The following CDKL4 variants were observed in gnomAD, a reference collection of about 807,000 sequenced individuals.
The protein encoded by CDKL4 is cyclin dependent kinase like 4.
In CDKL4, 44 loss-of-function variants were observed where a neutral mutation model predicts 42.0. The ratio of observed to expected loss-of-function variants is 1.05; its 90% CI spans 0.82 to 1.35. The LOEUF is 1.35. Ranked by LOEUF, CDKL4 falls within the 40% of genes most tolerant of loss-of-function variation. The pLI is 0.00. For missense variants in CDKL4, 393 were observed against 369.9 expected (o/e 1.06, Z -0.51); for synonymous variants, 120 against 121.6 (o/e 0.99, Z 0.09).
exon 10 of CDKL4, chr2:39,175,761 G>A (rs1675138214): frequency 4.2e-6 from 1 of 238,508 alleles, no homozygotes; most frequent in Non-Finnish European, 8.4e-6. Context: ...AATTGAAAAT[G>A]TCTCTTCCAT....
At chr2:39,198,285 G>T (rs1676640636) in intron 5 of CDKL4, among the ~76,000 whole-genome samples, 2 of 148,216 alleles carry the variant, frequency 1.3e-5, no homozygotes, top group African/African-American at 4.9e-5. Context: ...TAGTCCAACA[G>T]GTAAATATCA....
At chr2:39,170,985 C>G (rs1287162576), downstream of CDKL4, among the ~76,000 whole-genome samples, 3 of 152,044 alleles carry the variant, frequency 2.0e-5, no homozygotes, top group African/African-American at 7.2e-5. Context: ...TTCCTGTAAT[C>G]TCAGCACTTT....
intron 4 of CDKL4, among the ~76,000 whole-genome samples, chr2:39,205,126 G>C (rs1482044273): frequency 4.6e-5 from 7 of 152,070 alleles, no homozygotes; most frequent in Admixed American, 4.6e-4. Flanking sequence ...GCTGCAGTGA[G>C]CTATGATCAC....
chr2:39,176,800 A>C (rs1045461918), intron 9 of CDKL4, among the ~76,000 whole-genome samples: 1 of 152,238 alleles, frequency 6.6e-6, no homozygotes, highest in African/African-American at 2.4e-5. Flanking sequence ...TATCAAATTT[A>C]AACATTATTT....
chr2:39,244,279 A>C (rs533242417), upstream of CDKL4, among the ~76,000 whole-genome samples: 19 of 152,322 alleles, frequency 1.2e-4, no homozygotes, highest in African/African-American at 4.6e-4. Context: ...GTGGAGGGAG[A>C]GGCGCGAGCG....
chr2:39,185,499 G>A (rs1043426092), intron 7 of CDKL4, among the ~76,000 whole-genome samples: 3 of 141,538 alleles, frequency 2.1e-5, no homozygotes, highest in Admixed American at 7.3e-5. Flanking sequence ...AGTCTCTGTC[G>A]CCCAGGCTGG....
intron 5 of CDKL4, among the ~76,000 whole-genome samples, chr2:39,203,291 C>T (rs917627108): frequency 3.9e-5 from 6 of 152,130 alleles, no homozygotes; most frequent in Non-Finnish European, 8.8e-5. Flanking sequence ...AGAAGCTTTG[C>T]CAGCCCATGG....
chr2:39,233,044 C>A (rs1243250361), intron 1 of CDKL4, among the ~76,000 whole-genome samples: 190 of 66,108 alleles, frequency 2.9e-3, no homozygotes, highest in African/African-American at 5.0e-3. Flanking sequence ...GACTCCATCT[C>A]AAAAAAAAAA....
chr2:39,242,233 G>A (rs1339248730), intron 1 of CDKL4, among the ~76,000 whole-genome samples: 1 of 152,038 alleles, frequency 6.6e-6, no homozygotes, highest in South Asian at 2.1e-4. Context: ...TTTTGTAGAG[G>A]TGGGGTCTCA....
chr2:39,178,883 T>C lies in CDKL4; in HGVS notation c.927+304A>G, dbSNP rs573759927. 7 of 1,465,834 alleles carry C rather than the reference T, an allele frequency of 4.8e-6. No individual in the cohort carries two copies. The East Asian group carries it at 9.9e-5, about 21-fold the overall frequency. The allele number at this position is 1,465,834 out of a possible 1,614,324, so 90.8% of individuals were successfully genotyped here. A position where few individuals can be genotyped will look rare whatever the true frequency, so the allele number is the denominator to read the frequency against. ...TCCTGTTGGAATCAGCATTTTATTA[T>C]ATGAAGTTGTTATATTATGGGTATA... is the stretch of plus-strand genomic sequence containing the variant. On this transcript the variant is annotated intron_variant, in intron 9 of 9. Coordinates refer to ENST00000451199, the Ensembl canonical transcript of CDKL4.
rs749845888 is a variant in CDKL4 at position 39,192,539 on chromosome 2, A to ATT, written c.455-2039_455-2038dup. 6.6e-3 allele frequency among the ~76,000 whole-genome samples: 992 copies of ATT among 150,200 alleles called. 11 individuals carry two copies. Among genetic ancestry groups the ATT allele is most frequent in the African/African-American group, 0.023 (950 of 40,440 alleles). Reference sequence around the variant, plus strand: ...CCATGCCTGGTTAATTTAAAAAAAAATTTTTTTTTTTTTGTATAGATAGAG... The same window carrying ATT: ...CCATGCCTGGTTAATTTAAAAAAAAATTTTTTTTTTTTTTTGTATAGATAGAG... On this transcript the variant is annotated intron_variant, in intron 5 of 9. Transcript: ENST00000451199.
At chr2:39,187,668 C>T (rs541731684) in exon 7 of CDKL4, 7 of 1,612,794 alleles carry the variant, frequency 4.3e-6, no homozygotes, top group East Asian at 2.2e-5. Flanking sequence ...TGGAAAAACC[C>T]GTTACTTTTA....
chr2:39,184,488 C>A, intron 8 of CDKL4, 103 bp downstream of exon 8: 2 of 688,376 alleles, frequency 2.9e-6, no homozygotes, highest in Non-Finnish European at 5.0e-6. Flanking sequence ...ATGACTACAT[C>A]CTATTTTGGC....
rs777783571 is a variant in CDKL4 at position 39,179,325 on chromosome 2, T to C, written c.793-4A>G. The C allele has an allele frequency of 6.3e-7, 1 of 1,587,360 alleles. No homozygotes were observed. Among genetic ancestry groups the C allele is most frequent in the Non-Finnish European group, 8.5e-7 (1 of 1,172,286 alleles). On this transcript the variant is annotated splice_region_variant and splice_polypyrimidine_tract_variant and intron_variant, in intron 8 of 9. Transcript: ENST00000451199. ...CTGGATTCATCTTCAGACACCCCTT[T>C]GGAGGAAGAGAATAGCAAAGAAGAT...
In CDKL4 at chr2:39,243,113, C is replaced by CAA. The variant is rs57132937; in HGVS notation, c.-57+756_-57+757dup. Among the ~76,000 whole-genome samples the CAA allele has an allele frequency of 3.4e-4, 13 of 38,442 alleles. 2 individuals carry two copies. Among genetic ancestry groups the CAA allele is most frequent in the African/African-American group, 4.3e-4 (3 of 6,898 alleles). 25.2% of individuals were successfully genotyped at this position (38,442 alleles called of 152,430 possible). ...TGGGGAACAAAGTGAGACCCTGTCTCAAAAAAAAAAAAAAAAAAAAAAAAA... is the reference window on the plus strand; with the variant it reads ...TGGGGAACAAAGTGAGACCCTGTCTCAAAAAAAAAAAAAAAAAAAAAAAAAAA... On this transcript the variant is annotated intron_variant, in intron 1 of 9. Transcript: ENST00000451199.
rs1478925623 is a variant in CDKL4 at position 39,185,440 on chromosome 2, ACATG to A, written c.736-797_736-794del. On this transcript the variant is annotated intron_variant, in intron 7 of 9. Coordinates refer to ENST00000451199, the Ensembl canonical transcript of CDKL4. ...CATATATATATACATATGTATATAT[ACATG>A]TATATATACATATGTGTATATATAT... is the stretch of plus-strand genomic sequence containing the variant. 2.0e-4 allele frequency among the ~76,000 whole-genome samples: 4 copies of A among 20,032 alleles called. 1 individual carries two copies. The highest frequency in any genetic ancestry group is 3.6e-4 in the African/African-American group (4 of 11,114). The allele number at this position is 20,032 out of a possible 152,430, so 13.1% of individuals were successfully genotyped here. A position where few individuals can be genotyped will look rare whatever the true frequency, so the allele number is the denominator to read the frequency against.
At chr2:39,186,951 G>T (rs1315375170) in intron 7 of CDKL4, among the ~76,000 whole-genome samples, 1 of 152,110 alleles carries the variant, frequency 6.6e-6, no homozygotes. Context: ...CTGGCTCATT[G>T]TAATGTAGTT....
rs1267439037 is a variant in CDKL4 at position 39,190,505 on chromosome 2, G to T, written c.455-3C>A. The T allele has an allele frequency of 6.2e-7, 1 of 1,613,564 alleles. No individual in the cohort carries two copies. The highest frequency in any genetic ancestry group is 8.5e-7 in the Non-Finnish European group (1 of 1,179,682). The stretch of plus-strand genomic sequence containing the variant: ...ATCGGTGTAGGCATCTCCTGGAACT[G>T]CAAATGCATCAATCAGATCAGGTAA... On this transcript the variant is annotated splice_polypyrimidine_tract_variant and splice_region_variant and intron_variant, in intron 5 of 9. Transcript: ENST00000451199.
rs1678311355 is a variant in CDKL4, at chr2:39,221,001, G to GTTTTTTTT, written c.290+4830_290+4837dup. ...CTTTTTTTTTTTTTTTTTTTTTTTT[G>GTTTTTTTT]TTTTTTTTTTTGTTTTGTTTTTGTT... On this transcript the variant is annotated intron_variant, in intron 3 of 9. Coordinates refer to ENST00000451199, the Ensembl canonical transcript of CDKL4. 1.1e-4 allele frequency among the ~76,000 whole-genome samples: 9 copies of GTTTTTTTT among 78,826 alleles called. 2 individuals are homozygous for GTTTTTTTT. The highest frequency in any genetic ancestry group is 4.0e-4 in the Admixed American group (2 of 5,012). The allele number at this position is 78,826 out of a possible 152,430, so 51.7% of individuals were successfully genotyped here.
Sources: gnomAD v4.1 joint callset for allele counts (sites outside exome capture counted in the v4.1 genomes callset) on GRCh38, gnomAD v4.1.1 for gene constraint, MANE v1.5 for transcripts, NCBI Gene and HGNC (gene_info 2026-07-23, HGNC 2026-07-21) for gene names.